The following SMAP2 variants were observed in gnomAD, a reference collection of about 807,000 sequenced individuals.
The protein encoded by SMAP2 is small ArfGAP2.
A neutral mutation model predicts 56.4 loss-of-function variants in SMAP2; 25 were observed. The observed-to-expected ratio is 0.44, with a 90% CI of 0.32 to 0.62. The LOEUF (loss-of-function observed/expected upper bound fraction) is 0.62, where lower values mean the gene tolerates loss of function less well. Ranked by LOEUF, SMAP2 falls within the 20% of genes least tolerant of loss-of-function variation. The probability of loss-of-function intolerance (pLI) is 0.04; values close to 1 mark genes in which losing one functional copy is unlikely to be tolerated. For synonymous variants in SMAP2, 157 were observed against 181.7 expected, an observed-to-expected ratio of 0.86 and a Z score of 1.09; for missense variants, 388 against 545.6, an observed-to-expected ratio of 0.71 and a Z score of 2.88.
chr1:40,400,036 G>A lies in SMAP2; in HGVS notation c.104-6700G>A, dbSNP rs529945553. On this transcript the variant is annotated intron_variant, in intron 1 of 9. Transcript: ENST00000372718. ...GATGTTACAGTCGGGTTTAGACTGG[G>A]GAGCCAAGGAAAGACTCCTTTGAGG... Among the ~76,000 whole-genome samples, 180 of 152,350 alleles carry A rather than the reference G, an allele frequency of 1.2e-3. 1 individual carries two copies. Among genetic ancestry groups the A allele is most frequent in the African/African-American group, 3.9e-3 (162 of 41,584 alleles).
At chr1:40,346,323 A>G (rs1644385796) in intron 1 of SMAP2, among the ~76,000 whole-genome samples, 1 of 152,126 alleles carries the variant, frequency 6.6e-6, no homozygotes, top group Non-Finnish European at 1.5e-5. Flanking sequence ...TGCATTTAAT[A>G]AATTGTGTCC....
At chr1:40,362,481 T>C (rs1644463902) in intron 2 of SMAP2, 1 of 152,146 alleles carries the variant, frequency 6.6e-6, no homozygotes, top group Admixed American at 6.5e-5. Context: ...AGAATAGTAG[T>C]TTGGGTGGTA....
At chr1:40,360,070 G>A (rs894430585) in intron 1 of SMAP2, among the ~76,000 whole-genome samples, 2 of 140,818 alleles carry the variant, frequency 1.4e-5, no homozygotes, top group African/African-American at 5.3e-5. Context: ...GCAGTGGTGC[G>A]ATCTCGGCTC....
intron 9 of SMAP2, among the ~76,000 whole-genome samples, chr1:40,418,577 T>TTAAAAC: frequency 6.6e-6 from 1 of 152,260 alleles, no homozygotes; most frequent in Non-Finnish European, 1.5e-5. Context: ...ACAGTCAACT[T>TTAAAAC]TAAAACATAT....
At chr1:40,347,875 G>A (rs1218564679) in intron 1 of SMAP2, among the ~76,000 whole-genome samples, 1 of 152,096 alleles carries the variant, frequency 6.6e-6, no homozygotes, top group Non-Finnish European at 1.5e-5. Context: ...GTGTGTCTGT[G>A]TGTGAGATTT....
At chr1:40,415,245 C>A in intron 6 of SMAP2, 27 bp from the exon 7 acceptor site, 3 of 1,539,708 alleles carry the variant, frequency 1.9e-6, no homozygotes, top group Non-Finnish European at 2.7e-6. Context: ...AGCAGTGCTG[C>A]ATCTTAACTT....
chr1:40,378,268 C>T (rs1016001943), intron 1 of SMAP2, among the ~76,000 whole-genome samples: 2 of 151,998 alleles, frequency 1.3e-5, no homozygotes, highest in Non-Finnish European at 2.9e-5. Context: ...GGACTACAGG[C>T]GTGTGCCACG....
upstream of SMAP2, among the ~76,000 whole-genome samples, chr1:40,369,488 T>C (rs1262333233): frequency 0.011 from 1,630 of 151,102 alleles, 23 homozygotes; most frequent in African/African-American, 0.038. Flanking sequence ...AACAGCATGG[T>C]ACTGGTACCA....
At chr1:40,354,745 G>C (rs1314709717) in intron 1 of SMAP2, among the ~76,000 whole-genome samples, 1 of 138,626 alleles carries the variant, frequency 7.2e-6, no homozygotes, top group African/African-American at 2.7e-5. Flanking sequence ...TATCAGAGCA[G>C]TGAAATGAAC....
intron 1 of SMAP2, among the ~76,000 whole-genome samples, chr1:40,361,769 G>T (rs1444207844): frequency 1.3e-5 from 2 of 152,158 alleles, no homozygotes; most frequent in African/African-American, 4.8e-5. Flanking sequence ...AGGAAGAGGG[G>T]GAAGGACTTT....
chr1:40,355,782 A>T (rs906230798), intron 1 of SMAP2, among the ~76,000 whole-genome samples: 6 of 151,944 alleles, frequency 3.9e-5, no homozygotes, highest in African/African-American at 1.5e-4. Context: ...GCTAATTTTT[A>T]AATTTTTTGT....
rs1345233795 is a variant in SMAP2 at position 40,422,898 on chromosome 1, G to C, written c.*797G>C. On this transcript the variant is annotated 3_prime_UTR_variant, in exon 10 of 10. Coordinates refer to ENST00000372718, the MANE Select transcript of SMAP2 (RefSeq NM_022733.3). ...GTGTACTGCTTGTGTGTGTGCGTGA[G>C]TGTGTGTGTGTGTATGAGTGTGTGT... 1 of 147,416 alleles carries C rather than the reference G, an allele frequency of 6.8e-6. No individual in the cohort carries two copies. Among genetic ancestry groups the C allele is most frequent in the Non-Finnish European group, 1.5e-5 (1 of 68,006 alleles). 9.1% of individuals were successfully genotyped at this position (147,416 alleles called of 1,614,324 possible).
At chr1:40,365,157 C>T in intron 2 of SMAP2, 1 of 162,244 alleles carries the variant, frequency 6.2e-6, no homozygotes, top group Non-Finnish European at 1.4e-5. Context: ...CTGAGAGCAC[C>T]GTGGGCAAGC....
At chr1:40,375,543 T>A (rs1644533250) in intron 1 of SMAP2, among the ~76,000 whole-genome samples, 1 of 152,240 alleles carries the variant, frequency 6.6e-6, no homozygotes, top group African/African-American at 2.4e-5. Context: ...AATGTGCCAT[T>A]AGGAAAACAA....
chr1:40,410,905 G>T (rs1429179611), intron 4 of SMAP2, among the ~76,000 whole-genome samples: 1 of 152,168 alleles, frequency 6.6e-6, no homozygotes. Context: ...AGTCACAGAA[G>T]TATTGAGAGT....
Position 40,385,149 on chromosome 1 carries a change from T to C in SMAP2, c.103+10926T>C, listed in dbSNP as rs1269702060. 1.3e-5 allele frequency among the ~76,000 whole-genome samples: 2 copies of C among 152,168 alleles called. No individual in the cohort carries two copies. Among genetic ancestry groups the C allele is most frequent in the Admixed American group, 1.3e-4 (2 of 15,282 alleles). ...CTTCAGTTTGTCCAGCTCTTCCCCT[T>C]ATCCCCCATCCTCCCTCATGTGTGG... On this transcript the variant is annotated intron_variant, in intron 1 of 9. Transcript: ENST00000372718. The surrounding 1 kb of genome is among the most constrained non-coding windows in gnomAD (Gnocchi z 4.5).
chr1:40,377,681 C>T (rs1404336409), intron 1 of SMAP2, among the ~76,000 whole-genome samples: 1 of 152,178 alleles, frequency 6.6e-6, no homozygotes, highest in Non-Finnish European at 1.5e-5. Flanking sequence ...GGGTATGGGT[C>T]ATACTTCCTT....
Position 40,419,242 on chromosome 1 carries a change from G to A in SMAP2, c.1164+2146G>A, listed in dbSNP as rs374343058. ...TGAAGGTAATCACTAGAACAAACAC[G>A]TGAAATGTTCTGAATACCAAGATAA... On this transcript the variant is annotated intron_variant, in intron 9 of 9. Transcript: ENST00000372718. Among the ~76,000 whole-genome samples the A allele has an allele frequency of 1.6e-4, 24 of 150,896 alleles. No homozygotes were observed. The East Asian group carries it at 2.1e-3, about 13-fold the overall frequency.
At chr1:40,383,561 G>A (rs1044847765) in intron 1 of SMAP2, among the ~76,000 whole-genome samples, 7 of 152,172 alleles carry the variant, frequency 4.6e-5, no homozygotes, top group East Asian at 1.9e-4. Flanking sequence ...ATAACATTGC[G>A]TGCTTCTAAA....
Sources: allele counts gnomAD v4.1 joint callset (sites outside exome capture counted in the v4.1 genomes callset), GRCh38; gene constraint gnomAD v4.1.1; non-coding constraint Gnocchi (gnomAD v3.1); transcripts MANE v1.5; gene names NCBI Gene and HGNC (gene_info 2026-07-23, HGNC 2026-07-21).